Variants in LUZP2 observed in about 807,000 individuals in gnomAD.
LUZP2 encodes the protein leucine zipper protein 2.
In LUZP2, 52 loss-of-function variants were observed where a neutral mutation model predicts 51.6. The ratio of observed to expected loss-of-function variants is 1.01; its 90% CI spans 0.81 to 1.27. The LOEUF (loss-of-function observed/expected upper bound fraction) is 1.27. Among genes scored for constraint, LUZP2 ranks in the 50% most tolerant of loss-of-function variants. The probability of loss-of-function intolerance (pLI) is 0.00; values close to 1 mark genes in which losing one functional copy is unlikely to be tolerated. For missense variants in LUZP2, 436 were observed against 395.4 expected (o/e 1.10, Z -0.87); for synonymous variants, 154 against 137.3 (o/e 1.12, Z -0.85).
At chr11:24,840,747 A>G (rs1851003900) in intron 5 of LUZP2, among the ~76,000 whole-genome samples, 1 of 151,964 alleles carries the variant, frequency 6.6e-6, no homozygotes, top group Non-Finnish European at 1.5e-5. Context: ...ATAAATGGCA[A>G]TACAGAAAGC....
chr11:24,823,555 T>C (rs951909402), intron 5 of LUZP2, among the ~76,000 whole-genome samples: 1 of 152,066 alleles, frequency 6.6e-6, no homozygotes, highest in African/African-American at 2.4e-5. Context: ...TTGTGAAGAA[T>C]GGATTATGGA....
At chr11:24,606,090 A>G (rs1365335386) in intron 1 of LUZP2, among the ~76,000 whole-genome samples, 1 of 151,772 alleles carries the variant, frequency 6.6e-6, no homozygotes, top group Non-Finnish European at 1.5e-5. Context: ...GTATATTTGT[A>G]TATATTTATA....
At chr11:24,817,595 G>A (rs1406218764) in intron 5 of LUZP2, among the ~76,000 whole-genome samples, 1 of 151,940 alleles carries the variant, frequency 6.6e-6, no homozygotes, top group Non-Finnish European at 1.5e-5. Context: ...ATGAATACAA[G>A]TTCTTGAAAA....
intron 9 of LUZP2, among the ~76,000 whole-genome samples, chr11:25,013,879 C>T (rs1565228098): frequency 6.6e-6 from 1 of 152,030 alleles, no homozygotes; most frequent in Non-Finnish European, 1.5e-5. Flanking sequence ...AGGTATATCT[C>T]CTAATGCTAT....
chr11:24,852,514 C>T (rs1851428137), intron 5 of LUZP2, among the ~76,000 whole-genome samples: 1 of 152,016 alleles, frequency 6.6e-6, no homozygotes, highest in Admixed American at 6.6e-5. Flanking sequence ...CTGAGGAGTG[C>T]TTTACTTCCA....
intron 5 of LUZP2, among the ~76,000 whole-genome samples, chr11:24,890,471 CTAGT>C (rs1852812665): frequency 6.6e-6 from 1 of 152,114 alleles, no homozygotes; most frequent in Non-Finnish European, 1.5e-5. Flanking sequence ...CCATTTAAAA[CTAGT>C]TATTTGCTTG....
chr11:25,039,639 C>T (rs1857978219), intron 9 of LUZP2, among the ~76,000 whole-genome samples: 1 of 152,158 alleles, frequency 6.6e-6, no homozygotes, highest in South Asian at 2.1e-4. Context: ...CCCCTGCCAG[C>T]TCACATGTCC....
intron 5 of LUZP2, among the ~76,000 whole-genome samples, chr11:24,856,977 T>G (rs1046802607): frequency 1.3e-5 from 2 of 151,924 alleles, no homozygotes; most frequent in African/African-American, 4.8e-5. Flanking sequence ...GAGAAATTAC[T>G]TAGTGGTTAC....
chr11:24,638,629 G>T (rs1400190679), intron 1 of LUZP2, among the ~76,000 whole-genome samples: 1 of 151,350 alleles, frequency 6.6e-6, no homozygotes, highest in Non-Finnish European at 1.5e-5. Flanking sequence ...TCTAAATTAT[G>T]CATTTTGTTA....
chr11:24,892,450 T>G, intron 5 of LUZP2: 1 of 908,580 alleles, frequency 1.1e-6, no homozygotes. Context: ...AATTCAACAT[T>G]TATACCATCC....
chr11:24,996,340 G>A (rs1395111467), intron 9 of LUZP2, among the ~76,000 whole-genome samples: 1 of 150,128 alleles, frequency 6.7e-6, no homozygotes, highest in Non-Finnish European at 1.5e-5. Context: ...TTAACTACTT[G>A]TAAAACAGAT....
At position 24,969,853 on chromosome 11, in the gene LUZP2, A is replaced by ACG. The variant is rs1855694566; in HGVS notation, c.523-6738_523-6737insCG. 5.9e-5 allele frequency among the ~76,000 whole-genome samples: 9 copies of ACG among 151,996 alleles called. No individual in the cohort carries two copies. The South Asian group carries it at 1.9e-3, about 32-fold the overall frequency. On this transcript the variant is annotated intron_variant, in intron 7 of 11. Transcript: ENST00000336930. ...GTTATTACTCACATTTTAGGAGGCC[A>ACG]GTCCATCTCATGACTTGTTCATCTG... is the stretch of plus-strand genomic sequence containing the variant.
At chr11:24,876,893 T>G (rs1434552046) in intron 5 of LUZP2, among the ~76,000 whole-genome samples, 1 of 152,070 alleles carries the variant, frequency 6.6e-6, no homozygotes, top group African/African-American at 2.4e-5. Flanking sequence ...CGGACAACAT[T>G]ATAGAGGTAG....
intron 1 of LUZP2, among the ~76,000 whole-genome samples, chr11:24,610,277 T>C (rs7109559): frequency 0.02 from 3,113 of 152,290 alleles, 111 homozygotes; most frequent in African/African-American, 0.072. Flanking sequence ...CCAAAGTTGC[T>C]ATAGTAAATT....
chr11:24,666,060 T>C (rs9919604), intron 1 of LUZP2, among the ~76,000 whole-genome samples: 7,291 of 152,204 alleles, frequency 0.048, 563 homozygotes, highest in African/African-American at 0.16. Flanking sequence ...ACTCAAAAAA[T>C]TATTTACCAG....
intron 10 of LUZP2, among the ~76,000 whole-genome samples, chr11:25,061,088 C>A (rs1203256333): frequency 1.4e-5 from 2 of 147,736 alleles, no homozygotes; most frequent in Non-Finnish European, 3.1e-5. Flanking sequence ...CCCACATTAT[C>A]ACAAATAGTA....
chr11:24,973,602 T>A (rs4923224), intron 7 of LUZP2, among the ~76,000 whole-genome samples: 136,952 of 151,926 alleles, frequency 0.9, 63,410 homozygotes, highest in Non-Finnish European at 1. Context: ...CCTTCTTAAC[T>A]TTGCTATAGC....
At chr11:24,699,638 G>T (rs999985352) in intron 1 of LUZP2, among the ~76,000 whole-genome samples, 1 of 147,904 alleles carries the variant, frequency 6.8e-6, no homozygotes, top group Non-Finnish European at 1.5e-5. Flanking sequence ...ATGGAGCTAA[G>T]AACAATAGCC....
chr11:24,636,596 T>C (rs1300604684), intron 1 of LUZP2, among the ~76,000 whole-genome samples: 1 of 152,194 alleles, frequency 6.6e-6, no homozygotes, highest in Non-Finnish European at 1.5e-5. Context: ...TCATCCTTAG[T>C]TGATTTACAC....
Sources: allele counts gnomAD v4.1 joint callset (sites outside exome capture counted in the v4.1 genomes callset), GRCh38; gene constraint gnomAD v4.1.1; transcripts MANE v1.5; gene names NCBI Gene and HGNC (gene_info 2026-07-23, HGNC 2026-07-21).